The following CELF4 variants were observed in gnomAD, a reference collection of about 807,000 sequenced individuals.
CELF4 encodes the protein CUG-BP- and ETR-3-like factor 4.
Under a neutral mutation model 59.9 loss-of-function variants are expected in CELF4, and 18 were observed. The ratio of observed to expected loss-of-function variants is 0.30; its 90% CI spans 0.21 to 0.45. The LOEUF is 0.45. Among genes scored for constraint, CELF4 ranks in the 20% least tolerant of loss-of-function variants. The pLI is 1.00. For missense variants in CELF4, 456 were observed against 689.0 expected (o/e 0.66, Z 3.79); for synonymous variants, 261 against 267.1 (o/e 0.98, Z 0.22).
chr18:37,427,375 C>A (rs1232160664), intron 2 of CELF4, among the ~76,000 whole-genome samples: 1 of 152,160 alleles, frequency 6.6e-6, no homozygotes, highest in African/African-American at 2.4e-5. Context: ...ACCCAACTCG[C>A]CAAACCCAGC....
intron 2 of CELF4, among the ~76,000 whole-genome samples, chr18:37,403,274 A>G (rs1231722659): frequency 5.9e-5 from 9 of 152,126 alleles, no homozygotes; most frequent in Admixed American, 5.9e-4. Context: ...TTTCTTAAGC[A>G]TCTGTCAGGC....
At chr18:37,562,531 A>G (rs1222851988) in intron 1 of CELF4, among the ~76,000 whole-genome samples, 1 of 152,212 alleles carries the variant, frequency 6.6e-6, no homozygotes, top group African/African-American at 2.4e-5. Flanking sequence ...CAGGCTTAAC[A>G]AAGGCATGAT....
intron 2 of CELF4, among the ~76,000 whole-genome samples, chr18:37,378,955 C>T (rs558805547): frequency 6.6e-6 from 1 of 152,346 alleles, no homozygotes; most frequent in East Asian, 1.9e-4. Context: ...AAGGCTGATA[C>T]ATCCCCTTCA....
chr18:37,296,157 G>C (rs2154433419), intron 3 of CELF4, among the ~76,000 whole-genome samples: 1 of 152,298 alleles, frequency 6.6e-6, no homozygotes, highest in South Asian at 2.1e-4. Flanking sequence ...TGGCTTGTTT[G>C]TTTCATATTT....
chr18:37,426,377 G>A (rs2099612656), intron 2 of CELF4, among the ~76,000 whole-genome samples: 1 of 152,190 alleles, frequency 6.6e-6, no homozygotes, highest in South Asian at 2.1e-4. Context: ...GGTCCTAGGA[G>A]TTGGTGGCTA....
At position 37,273,031 on chromosome 18, in the gene CELF4, T is replaced by G; in HGVS notation, c.934A>C (p.Met312Leu). 1 of 1,610,920 alleles carries G rather than the reference T, an allele frequency of 6.2e-7. No homozygotes were observed. Among genetic ancestry groups the G allele is most frequent in the Non-Finnish European group, 8.5e-7 (1 of 1,179,214 alleles). The change falls in exon 7 of 13, where the codon ATG becomes CTG. Residue 312 changes from methionine (M) to leucine (L), a missense_variant. Met to Leu is a conservative substitution (Grantham distance 15). Transcript: ENST00000420428. ...GCCAGCTCACCTGAGGTTGGGGTCA[T>G]AGGTGCGGCCGCCAGGCCATTCATG... is the stretch of plus-strand genomic sequence containing the variant. ...LNMNGLAAAP[M>L]TPTSGGSTPP... is the part of the protein sequence containing the mutation.
chr18:37,504,377 C>A (rs2099935202), intron 1 of CELF4, among the ~76,000 whole-genome samples: 1 of 149,630 alleles, frequency 6.7e-6, no homozygotes, highest in South Asian at 2.1e-4. Context: ...GTAATCCGAG[C>A]TACTCTGGAG....
chr18:37,362,190 G>T (rs1490427459), intron 2 of CELF4, among the ~76,000 whole-genome samples: 2 of 152,174 alleles, frequency 1.3e-5, no homozygotes, highest in Non-Finnish European at 2.9e-5. Context: ...TGGCGTCTGA[G>T]GTGCAGGCTC....
chr18:37,259,363 A>C, intron 10 of CELF4, 99 bp from the exon 11 acceptor site: 2 of 42,466 alleles, frequency 4.7e-5, no homozygotes, highest in Non-Finnish European at 8.8e-5. Context: ...CGCAGCAGGG[A>C]GGGGTGGGGG....
chr18:37,547,234 G>A lies in CELF4; in HGVS notation c.286+18122C>T, dbSNP rs564158032. 3.3e-5 allele frequency among the ~76,000 whole-genome samples: 5 copies of A among 151,222 alleles called. No individual in the cohort carries two copies. In the East Asian group the frequency reaches 7.8e-4, roughly 24 times the overall value. On this transcript the variant is annotated intron_variant, in intron 1 of 12. Coordinates refer to ENST00000420428, the MANE Select transcript of CELF4 (RefSeq NM_020180.4). Reference sequence around the variant, plus strand: ...AGCAGGGCCATCTTCTCTTCCAAATGTGTTCCCATGAGCCAACAGGAGCCC... The same window carrying A: ...AGCAGGGCCATCTTCTCTTCCAAATATGTTCCCATGAGCCAACAGGAGCCC...
rs16968901 is a variant in CELF4, at chr18:37,407,234, G to A, written c.369+78291C>T. Among the ~76,000 whole-genome samples the A allele has an allele frequency of 7.7e-3, 1,169 of 152,236 alleles. 16 individuals carry two copies. The highest frequency in any genetic ancestry group is 0.027 in the African/African-American group (1,111 of 41,528). ...AAGTTGGGCACACGGGAAACTCTCC[G>A]AAAACATTGTCCCTACCCAACAACA... On this transcript the variant is annotated intron_variant, in intron 2 of 12. Transcript: ENST00000420428.
At chr18:37,313,580 C>A (rs1271416280) in intron 3 of CELF4, among the ~76,000 whole-genome samples, 1 of 152,130 alleles carries the variant, frequency 6.6e-6, no homozygotes, top group Non-Finnish European at 1.5e-5. Context: ...TAGGGGTCTC[C>A]CCAGCCATGC....
chr18:37,394,231 G>T (rs903540210), intron 2 of CELF4, among the ~76,000 whole-genome samples: 4 of 152,232 alleles, frequency 2.6e-5, no homozygotes, highest in Middle Eastern at 3.2e-3. Flanking sequence ...CTGGACAGGC[G>T]CGAGGGGCGG....
At chr18:37,536,048 G>A (rs2099973202) in intron 1 of CELF4, among the ~76,000 whole-genome samples, 1 of 152,140 alleles carries the variant, frequency 6.6e-6, no homozygotes, top group African/African-American at 2.4e-5. Flanking sequence ...GGGAGCCCAA[G>A]TTGCATCCTG....
At chr18:37,414,714 G>A (rs2154592703) in intron 2 of CELF4, among the ~76,000 whole-genome samples, 1 of 151,912 alleles carries the variant, frequency 6.6e-6, no homozygotes, top group Non-Finnish European at 1.5e-5. Flanking sequence ...AGCCAGGATG[G>A]TCTCAATCTC....
chr18:37,266,426 C>A, intron 9 of CELF4, 107 bp downstream of exon 9: 1 of 1,133,426 alleles, frequency 8.8e-7, no homozygotes, highest in Non-Finnish European at 1.3e-6. Context: ...ACTCTCTCTC[C>A]CCACCCCATG....
intron 1 of CELF4, among the ~76,000 whole-genome samples, chr18:37,527,810 C>T (rs1432178003): frequency 1.3e-5 from 2 of 152,180 alleles, no homozygotes; most frequent in African/African-American, 2.4e-5. Context: ...GCCACTGGGC[C>T]TTTGATCACT....
intron 1 of CELF4, among the ~76,000 whole-genome samples, chr18:37,519,950 T>C (rs1603643265): frequency 6.6e-6 from 1 of 151,776 alleles, no homozygotes; most frequent in Non-Finnish European, 1.5e-5. Flanking sequence ...AGACAAGGGG[T>C]TCCTTGTTAA....
At chr18:37,271,105 C>T (rs1039737334) in intron 7 of CELF4, among the ~76,000 whole-genome samples, 188 bp from the exon 8 acceptor site, 2 of 152,220 alleles carry the variant, frequency 1.3e-5, no homozygotes, top group African/African-American at 4.8e-5. Flanking sequence ...AGTGACTTCA[C>T]CTATCCCAAT....
Sources: allele counts gnomAD v4.1 joint callset (sites outside exome capture counted in the v4.1 genomes callset), GRCh38; gene constraint gnomAD v4.1.1; transcripts MANE v1.5; gene names NCBI Gene and HGNC (gene_info 2026-07-23, HGNC 2026-07-21).